The following BBX variants were observed in gnomAD, a reference collection of about 807,000 sequenced individuals.
The protein encoded by BBX is HMG box transcription factor BBX.
A neutral mutation model predicts 100.2 loss-of-function variants in BBX; 30 were observed. The observed-to-expected ratio is 0.30, with a 90% CI of 0.22 to 0.41. BBX has a LOEUF of 0.41. BBX is among the 10% of genes least tolerant of loss of function. The probability of loss-of-function intolerance (pLI) is 1.00; values close to 1 mark genes in which losing one functional copy is unlikely to be tolerated. For missense variants in BBX, 1,023 were observed against 1,129.8 expected (o/e 0.91, Z 1.35); for synonymous variants, 376 against 388.1 (o/e 0.97, Z 0.37).
At chr3:107,715,467 T>A (rs1287613182) in intron 4 of BBX, among the ~76,000 whole-genome samples, 1 of 152,216 alleles carries the variant, frequency 6.6e-6, no homozygotes, top group African/African-American at 2.4e-5. Context: ...GCATTTTAGA[T>A]AAGGGATACT....
At chr3:107,707,734 C>A (rs957899480) in intron 3 of BBX, among the ~76,000 whole-genome samples, 1 of 151,938 alleles carries the variant, frequency 6.6e-6, no homozygotes, top group Admixed American at 6.6e-5. Context: ...TATTTTGAAC[C>A]CAGAAAGAAG....
chr3:107,731,048 A>G (rs186575347), intron 6 of BBX, among the ~76,000 whole-genome samples: 2 of 152,324 alleles, frequency 1.3e-5, no homozygotes, highest in African/African-American at 2.4e-5. Context: ...ATGATATCCA[A>G]GAAGGGAAAG....
intron 12 of BBX, among the ~76,000 whole-genome samples, chr3:107,777,685 C>T (rs984922223): frequency 6.6e-6 from 1 of 152,180 alleles, no homozygotes; most frequent in East Asian, 1.9e-4. Context: ...TTTCTGAAGT[C>T]ATTGATGATT....
intron 2 of BBX, among the ~76,000 whole-genome samples, chr3:107,534,038 A>G (rs1390765627): frequency 6.6e-6 from 1 of 152,212 alleles, no homozygotes; most frequent in Non-Finnish European, 1.5e-5. Flanking sequence ...AAGAGTCTAT[A>G]TGGCAATCTA....
chr3:107,646,078 C>G (rs887718712), intron 3 of BBX, 169 bp downstream of exon 3: 2 of 152,184 alleles, frequency 1.3e-5, no homozygotes, highest in African/African-American at 4.8e-5. Context: ...TTATTGATCT[C>G]CATTATCAAG....
chr3:107,535,489 T>G (rs2048428627), intron 2 of BBX, among the ~76,000 whole-genome samples: 1 of 152,134 alleles, frequency 6.6e-6, no homozygotes, highest in Non-Finnish European at 1.5e-5. Flanking sequence ...GCTGTTATTT[T>G]TAATATTTAT....
At chr3:107,556,779 C>T (rs1307101250) in intron 2 of BBX, among the ~76,000 whole-genome samples, 4 of 152,234 alleles carry the variant, frequency 2.6e-5, no homozygotes, top group Non-Finnish European at 4.4e-5. Flanking sequence ...TAAATTAACC[C>T]GGAAGCTAGA....
At chr3:107,776,794 A>T (rs569230583) in intron 12 of BBX, among the ~76,000 whole-genome samples, 41 of 152,190 alleles carry the variant, frequency 2.7e-4, no homozygotes, top group Non-Finnish European at 5.4e-4. Flanking sequence ...TCTTTTGGGT[A>T]TTCAGAGTAT....
chr3:107,620,781 G>C (rs1228339556), intron 2 of BBX, among the ~76,000 whole-genome samples: 1 of 152,156 alleles, frequency 6.6e-6, no homozygotes, highest in East Asian at 1.9e-4. Flanking sequence ...GGTGGGAAAG[G>C]GGGAGGTGGC....
chr3:107,567,078 G>T (rs1256821675), intron 2 of BBX, among the ~76,000 whole-genome samples: 2 of 151,696 alleles, frequency 1.3e-5, no homozygotes, highest in African/African-American at 2.4e-5. Context: ...AATTTTTTTT[G>T]TCTGTTATTT....
intron 8 of BBX, 113 bp from the exon 9 acceptor site, chr3:107,747,852 T>C: frequency 1.3e-6 from 1 of 757,418 alleles, no homozygotes; most frequent in Non-Finnish European, 2.1e-6. Flanking sequence ...TTGAGGGTAA[T>C]GACTCATTTT....
intron 5 of BBX, among the ~76,000 whole-genome samples, chr3:107,720,335 T>C (rs2062439070): frequency 6.6e-6 from 1 of 151,992 alleles, no homozygotes; most frequent in Non-Finnish European, 1.5e-5. Context: ...TAAAATGTCA[T>C]GAGTCTTACA....
intron 3 of BBX, among the ~76,000 whole-genome samples, chr3:107,681,780 T>G (rs1218446629): frequency 6.6e-6 from 1 of 152,136 alleles, no homozygotes; most frequent in East Asian, 1.9e-4. Context: ...TACTATTTTA[T>G]TAAGGTGAAC....
intron 2 of BBX, among the ~76,000 whole-genome samples, chr3:107,529,506 G>C (rs1381792726): frequency 6.6e-6 from 1 of 152,224 alleles, no homozygotes; most frequent in African/African-American, 2.4e-5. Context: ...GAGCAACACT[G>C]CTATGAAGGG....
intron 5 of BBX, among the ~76,000 whole-genome samples, chr3:107,726,530 A>G (rs1348673533): frequency 6.6e-6 from 1 of 152,054 alleles, no homozygotes; most frequent in Non-Finnish European, 1.5e-5. Context: ...CAAGAATAAT[A>G]TTGTGATACA....
intron 13 of BBX, among the ~76,000 whole-genome samples, chr3:107,787,487 G>A (rs1197454843): frequency 1.3e-5 from 2 of 152,146 alleles, no homozygotes; most frequent in Admixed American, 1.3e-4. Context: ...CTTAGGGAGA[G>A]GGGGAATACA....
At chr3:107,757,571 T>G (rs2065582586) in intron 10 of BBX, among the ~76,000 whole-genome samples, 1 of 152,190 alleles carries the variant, frequency 6.6e-6, no homozygotes, top group Non-Finnish European at 1.5e-5. Flanking sequence ...CTGGCATTGT[T>G]ATTTGCACTG....
intron 2 of BBX, among the ~76,000 whole-genome samples, chr3:107,594,549 G>A (rs1576432483): frequency 6.6e-6 from 1 of 152,258 alleles, no homozygotes; most frequent in East Asian, 1.9e-4. Context: ...TTCTGACTAT[G>A]AGCCCTAGAG....
chr3:107,598,613 TATTA>T (rs1461941757), intron 2 of BBX, among the ~76,000 whole-genome samples: 6 of 152,242 alleles, frequency 3.9e-5, no homozygotes, highest in African/African-American at 1.4e-4. Context: ...ATATAATTTA[TATTA>T]ATTCTTTAGT....
Sources: gnomAD v4.1 joint callset for allele counts (sites outside exome capture counted in the v4.1 genomes callset) on GRCh38, gnomAD v4.1.1 for gene constraint, MANE v1.5 for transcripts, NCBI Gene and HGNC (gene_info 2026-07-23, HGNC 2026-07-21) for gene names.